MRM1: variants seen among roughly 807,000 people sequenced by gnomAD.
The protein encoded by MRM1 is rRNA methyltransferase 1, mitochondrial.
MRM1 carries 24 observed loss-of-function variants against 25.0 expected under a neutral mutation model. The observed-to-expected ratio is 0.96, with a 90% CI of 0.69 to 1.35. MRM1 has a LOEUF of 1.35. Ranked by LOEUF, MRM1 falls within the 40% of genes most tolerant of loss-of-function variation. The probability of loss-of-function intolerance (pLI) is 0.00; values close to 1 mark genes in which losing one functional copy is unlikely to be tolerated. For missense variants in MRM1, 431 were observed against 464.1 expected (o/e 0.93, Z 0.65); for synonymous variants, 188 against 199.2 (o/e 0.94, Z 0.47).
chr17:36,603,677 G>A (rs957230115), intron 2 of MRM1, among the ~76,000 whole-genome samples: 3 of 152,100 alleles, frequency 2.0e-5, no homozygotes, highest in South Asian at 2.1e-4. Flanking sequence ...GGGATTATAG[G>A]CATGAGCCAC....
chr17:36,609,357 G>A (rs564533256), downstream of MRM1, among the ~76,000 whole-genome samples: 3 of 152,174 alleles, frequency 2.0e-5, no homozygotes, highest in African/African-American at 2.4e-5. Context: ...TGGGTGTGGC[G>A]CCACCTGGCA....
rs771659203 is a variant in MRM1 at position 36,608,276 on chromosome 17, A to G, written c.923A>G (p.Lys308Arg). Residue 308 changes from lysine to arginine, a missense_variant, in exon 5 of 5, where the codon AAG (lysine) becomes AGG (arginine). Transcript: ENST00000614766. Reference protein sequence around the residue: ...ILLHSICSQRKGFPTEGERRQ... With the variant: ...ILLHSICSQRRGFPTEGERRQ... The stretch of plus-strand genomic sequence containing the variant: ...CTTCACTCCATTTGCAGCCAGAGGA[A>G]GGGTTTCCCCACAGAGGGGGAGAGA... 9.4e-6 allele frequency: 15 copies of G among 1,590,700 alleles called. No individual in the cohort carries two copies. The highest frequency in any genetic ancestry group is 1.3e-5 in the Non-Finnish European group (15 of 1,170,404).
the MRM1 span, among the ~76,000 whole-genome samples, chr17:36,619,436 G>A: frequency 6.6e-6 from 1 of 152,220 alleles, no homozygotes; most frequent in African/African-American, 2.4e-5. Context: ...GGAAGGCCAA[G>A]GTGGATGGAT....
chr17:36,602,060 A>T lies in MRM1; in HGVS notation c.250A>T (p.Lys84Ter). ...LQAGKAGLQG[K>*]RAELLRMAEA... Reference sequence around the variant, plus strand: ...GGCGGGTAAAGCTGGGCTGCAGGGGAAGCGGGCCGAGCTGCTCCGGATGGC... The same window carrying T: ...GGCGGGTAAAGCTGGGCTGCAGGGGTAGCGGGCCGAGCTGCTCCGGATGGC... The change falls in exon 1 of 5, where the codon AAG becomes TAG. Residue 84 changes from lysine (K) to a stop codon, truncating the protein, a stop_gained. Transcript: ENST00000614766. LOFTEE classifies it high-confidence loss of function. The surrounding 1 kb of genome is among the most constrained non-coding windows in gnomAD (Gnocchi z 4.1). The T allele has an allele frequency of 6.2e-7, 1 of 1,609,600 alleles. No homozygotes were observed. Among genetic ancestry groups the T allele is most frequent in the Non-Finnish European group, 8.5e-7 (1 of 1,179,018 alleles).
chr17:36,603,233 G>A, intron 2 of MRM1: 2 of 984,698 alleles, frequency 2.0e-6, no homozygotes, highest in Non-Finnish European at 2.4e-6. Context: ...GGAGAGCTCT[G>A]GGACCTGTCT....
At position 36,608,300 on chromosome 17, in the gene MRM1, G is replaced by A. The variant is rs749464114; in HGVS notation, c.947G>A (p.Arg316Lys). The A allele has an allele frequency of 2.1e-5, 33 of 1,607,928 alleles. No homozygotes were observed. In the South Asian group the frequency reaches 3.4e-4, roughly 17 times the overall value. The change falls in exon 5 of 5, where the codon AGA becomes AAA. Residue 316 changes from arginine (R) to lysine (K), a missense_variant. Physicochemically the swap from Arg to Lys is conservative, Grantham distance 26 (BLOSUM62 2). Coordinates refer to ENST00000614766, the MANE Select transcript of MRM1 (RefSeq NM_024864.5). ...QRKGFPTEGERRQLLQDPQEP... is the reference protein window; with the variant it reads ...QRKGFPTEGEKRQLLQDPQEP... ...AAGGGTTTCCCCACAGAGGGGGAGAGAAGGCAGCTTCTCCAAGACCCCCAA... is the reference window on the plus strand; with the variant it reads ...AAGGGTTTCCCCACAGAGGGGGAGAAAAGGCAGCTTCTCCAAGACCCCCAA...
the MRM1 span, among the ~76,000 whole-genome samples, chr17:36,629,699 C>A: frequency 1.7e-5 from 2 of 114,762 alleles, no homozygotes; most frequent in Non-Finnish European, 3.3e-5. Flanking sequence ...GCAGAGGGAC[C>A]AGAGGGCAGC....
chr17:36,626,310 C>T, the MRM1 span, among the ~76,000 whole-genome samples: 75 of 152,132 alleles, frequency 4.9e-4, no homozygotes, highest in Non-Finnish European at 7.6e-4. Context: ...TTGTGTAGTG[C>T]GTGAGTTTCC....
chr17:36,630,845 C>T, the MRM1 span, among the ~76,000 whole-genome samples: 5 of 152,266 alleles, frequency 3.3e-5, no homozygotes, highest in South Asian at 2.1e-4. Context: ...GTTCCACAAA[C>T]GCTCAGTGAG....
chr17:36,604,226 G>C (rs1285087386), intron 2 of MRM1, among the ~76,000 whole-genome samples: 1 of 152,144 alleles, frequency 6.6e-6, no homozygotes, highest in African/African-American at 2.4e-5. Flanking sequence ...TCTCACACCA[G>C]TCAGCTCTTC....
At chr17:36,605,586 T>C (rs780105691) in intron 2 of MRM1, among the ~76,000 whole-genome samples, 3 of 151,306 alleles carry the variant, frequency 2.0e-5, no homozygotes, top group African/African-American at 7.3e-5. Flanking sequence ...GCCTGGACCT[T>C]GGTTCTGAAT....
Position 36,601,708 on chromosome 17 carries a change from T to G in MRM1, c.-103T>G. On this transcript the variant is annotated 5_prime_UTR_variant, in exon 1 of 5. Transcript: ENST00000614766. ...GAGCTCGGCGGAGACGGCTGTCGAGTACCCTTCACCTCGGTGTTGGGAGCC... is the reference window on the plus strand; with the variant it reads ...GAGCTCGGCGGAGACGGCTGTCGAGGACCCTTCACCTCGGTGTTGGGAGCC... 8.1e-7 allele frequency: 1 copy of G among 1,231,114 alleles called. No individual in the cohort carries two copies. Among genetic ancestry groups the G allele is most frequent in the South Asian group, 1.5e-5 (1 of 65,456 alleles). The allele number at this position is 1,231,114 out of a possible 1,614,324, so 76.3% of individuals were successfully genotyped here.
At chr17:36,605,920 G>A (rs558323887) in intron 2 of MRM1, among the ~76,000 whole-genome samples, 2 of 152,254 alleles carry the variant, frequency 1.3e-5, no homozygotes, top group African/African-American at 4.8e-5. Flanking sequence ...AGCAGGCAGA[G>A]TGATTCTGTT....
At position 36,607,822 on chromosome 17, in the gene MRM1, T is replaced by A. The variant is rs748915019; in HGVS notation, c.769+20T>A. On this transcript the variant is annotated intron_variant, in intron 3 of 4. Coordinates refer to ENST00000614766, the MANE Select transcript of MRM1 (RefSeq NM_024864.5). ...TGCTGGGTAGGTGGATGTCCCTGCG[T>A]TTGTGCCCAGATTACATTTCCCGAG... 8 of 1,612,918 alleles carry A rather than the reference T, an allele frequency of 5.0e-6. No homozygotes were observed. Among genetic ancestry groups the A allele is most frequent in the Non-Finnish European group, 8.5e-7 (1 of 1,179,302 alleles).
In MRM1 at chr17:36,602,220, C is replaced by A; in HGVS notation, c.410C>A (p.Ala137Glu). The change falls in exon 1 of 5, where the codon GCG becomes GAG. Residue 137 changes from alanine to glutamate, a missense_variant. Physicochemically the swap from Ala to Glu is moderately radical, Grantham distance 107 (BLOSUM62 -1). Coordinates refer to ENST00000614766, the MANE Select transcript of MRM1 (RefSeq NM_024864.5). This position sits in a 1 kb window ranked among gnomAD's most constrained non-coding sequence, Gnocchi z 4.1. ...RPRPWREAGE[A>E]SPGDDPQQLW... ...CGGCCTTGGAGAGAGGCCGGGGAGGCGAGCCCAGGCGACGACCCCCAGCAG... is the reference window on the plus strand; with the variant it reads ...CGGCCTTGGAGAGAGGCCGGGGAGGAGAGCCCAGGCGACGACCCCCAGCAG... 1 of 1,610,166 alleles carries A rather than the reference C, an allele frequency of 6.2e-7. No individual in the cohort carries two copies. Among genetic ancestry groups the A allele is most frequent in the Non-Finnish European group, 8.5e-7 (1 of 1,177,778 alleles).
At chr17:36,616,809 C>A in the MRM1 span, among the ~76,000 whole-genome samples, 183 of 152,286 alleles carry the variant, frequency 1.2e-3, no homozygotes, top group African/African-American at 4.2e-3. Flanking sequence ...TAGCTCACTG[C>A]AGCCTCCAAC....
chr17:36,613,529 C>A (rs916784497), downstream of MRM1, among the ~76,000 whole-genome samples: 2 of 152,188 alleles, frequency 1.3e-5, no homozygotes, highest in African/African-American at 4.8e-5. Flanking sequence ...GCCAGAACCC[C>A]TCTGCCTCCC....
chr17:36,630,255 TG>T, the MRM1 span, among the ~76,000 whole-genome samples: 1 of 152,144 alleles, frequency 6.6e-6, no homozygotes, highest in African/African-American at 2.4e-5. Flanking sequence ...GATTGGTGCC[TG>T]GGGGTGGAGG....
intron 2 of MRM1, chr17:36,603,380 CAT>C (rs2074899655): frequency 1.1e-5 from 2 of 179,944 alleles, no homozygotes; most frequent in Non-Finnish European, 2.1e-5. Context: ...ATCAATTTAA[CAT>C]GTAATCATTT....
Sources: gnomAD v4.1 joint callset for allele counts (sites outside exome capture counted in the v4.1 genomes callset) on GRCh38, gnomAD v4.1.1 for gene constraint, Gnocchi (gnomAD v3.1) non-coding constraint, MANE v1.5 for transcripts, NCBI Gene and HGNC (gene_info 2026-07-23, HGNC 2026-07-21) for gene names.